Variants in SLC8A1 observed in about 807,000 individuals in gnomAD.
SLC8A1 encodes solute carrier family 8 member A1.
A neutral mutation model predicts 68.3 loss-of-function variants in SLC8A1; 18 were observed. The ratio of observed to expected loss-of-function variants is 0.26; its 90% CI spans 0.18 to 0.39. The LOEUF (loss-of-function observed/expected upper bound fraction) is 0.39. Ranked by LOEUF, SLC8A1 falls within the 10% of genes least tolerant of loss-of-function variation. The pLI, the probability that SLC8A1 is intolerant of heterozygous loss-of-function variation, is 1.00. For missense variants in SLC8A1, 985 were observed against 1,156.7 expected, an observed-to-expected ratio of 0.85 and a Z score of 2.15; for synonymous variants, 475 against 415.5, an observed-to-expected ratio of 1.14 and a Z score of -1.74.
intron 2 of SLC8A1, among the ~76,000 whole-genome samples, chr2:40,349,196 G>A (rs181221332): frequency 2.2e-4 from 33 of 152,210 alleles, no homozygotes; most frequent in African/African-American, 7.9e-4. Flanking sequence ...TGTGGTATAA[G>A]CCTGTTTTTC....
chr2:40,277,015 G>T (rs2066787128), intron 2 of SLC8A1, among the ~76,000 whole-genome samples: 1 of 152,138 alleles, frequency 6.6e-6, no homozygotes, highest in Non-Finnish European at 1.5e-5. Flanking sequence ...ATATTCATCT[G>T]AAAAATATGC....
chr2:40,498,327 AT>A (rs1239960510), intron 1 of SLC8A1, among the ~76,000 whole-genome samples: 1 of 152,110 alleles, frequency 6.6e-6, no homozygotes, highest in Non-Finnish European at 1.5e-5. Context: ...TTGTTCAGAC[AT>A]TTTGCAAAAG....
At position 40,283,275 on chromosome 2, in the gene SLC8A1, G is replaced by A. The variant is rs1348645587; in HGVS notation, c.1809-105420C>T. On this transcript the variant is annotated intron_variant, in intron 2 of 7. Transcript: ENST00000406785. ...ATTTCATGACTTCTCTTCCAGCTAT[G>A]CTGGTGTCATAGTAAGAGCCTGATG... Among the ~76,000 whole-genome samples the A allele has an allele frequency of 3.9e-5, 6 of 152,216 alleles. No individual in the cohort carries two copies. In the East Asian group the frequency reaches 1.2e-3, roughly 29 times the overall value.
chr2:40,391,939 G>C (rs1685396089), intron 2 of SLC8A1, among the ~76,000 whole-genome samples: 1 of 151,920 alleles, frequency 6.6e-6, no homozygotes, highest in African/African-American at 2.4e-5. Context: ...GTTTAGTTCT[G>C]CATAAATACA....
intron 7 of SLC8A1, among the ~76,000 whole-genome samples, chr2:40,133,339 A>C (rs1335017770): frequency 6.7e-6 from 1 of 149,978 alleles, no homozygotes; most frequent in African/African-American, 2.5e-5. Flanking sequence ...AATGACATAA[A>C]TTTTCCCCAA....
intron 2 of SLC8A1, among the ~76,000 whole-genome samples, chr2:40,184,960 C>T (rs981811470): frequency 2.0e-5 from 3 of 147,872 alleles, no homozygotes; most frequent in African/African-American, 7.5e-5. Flanking sequence ...ATCTGAATGG[C>T]ATTTCTCCAC....
At chr2:40,364,507 T>TA (rs1159771148) in intron 2 of SLC8A1, among the ~76,000 whole-genome samples, 1 of 64,922 alleles carries the variant, frequency 1.5e-5, no homozygotes, top group African/African-American at 1.8e-4. Context: ...TAAAATTGAA[T>TA]CCTTTTTTTT....
intron 2 of SLC8A1, among the ~76,000 whole-genome samples, chr2:40,253,174 CAAATATACATAT>C (rs2063242603): frequency 7.8e-6 from 1 of 127,700 alleles, no homozygotes; most frequent in Admixed American, 8.2e-5. Context: ...TATATACACA[CAAATATACATAT>C]ATACACGTAT....
At chr2:40,097,538 T>C (rs2033643995) in exon 8 of SLC8A1, 1 of 152,034 alleles carries the variant, frequency 6.6e-6, no homozygotes, top group Non-Finnish European at 1.5e-5. Flanking sequence ...TGATAAGACA[T>C]TTCAAATTAC....
rs1035170681 is a variant in SLC8A1, at chr2:40,475,948, C to G, written c.-25+36401G>C. Among the ~76,000 whole-genome samples, 5 of 152,218 alleles carry G rather than the reference C, an allele frequency of 3.3e-5. No individual in the cohort carries two copies. The East Asian group carries it at 7.7e-4, about 24-fold the overall frequency. On this transcript the variant is annotated intron_variant, in intron 1 of 7. Transcript: ENST00000402441. ...AGGATTTTGGGAGAATTTGTCTCCT[C>G]TGAGTAGTTTTCTGTTCAAAAGATA...
chr2:40,143,180 G>A (rs1413183363), intron 6 of SLC8A1, among the ~76,000 whole-genome samples: 2 of 152,120 alleles, frequency 1.3e-5, no homozygotes, highest in African/African-American at 2.4e-5. Flanking sequence ...TATTAAAAAT[G>A]ACCACGGACT....
chr2:40,416,479 T>A (rs1693920420), intron 2 of SLC8A1, among the ~76,000 whole-genome samples: 1 of 152,212 alleles, frequency 6.6e-6, no homozygotes, highest in South Asian at 2.1e-4. Context: ...AAAATATCAT[T>A]TCCTCACACT....
At chr2:40,431,075 G>C (rs1472516229) in intron 1 of SLC8A1, among the ~76,000 whole-genome samples, 1 of 152,136 alleles carries the variant, frequency 6.6e-6, no homozygotes, top group African/African-American at 2.4e-5. Flanking sequence ...GCCAGCCCAG[G>C]TCTGCTGATA....
chr2:40,377,486 CA>C (rs1158271790), intron 2 of SLC8A1, among the ~76,000 whole-genome samples: 1 of 152,058 alleles, frequency 6.6e-6, no homozygotes, highest in African/African-American at 2.4e-5. Context: ...CATGCACCAA[CA>C]AAAAGCTAAT....
chr2:40,373,561 T>A (rs1041163340), intron 2 of SLC8A1, among the ~76,000 whole-genome samples: 8 of 152,078 alleles, frequency 5.3e-5, no homozygotes, highest in Non-Finnish European at 1.0e-4. Flanking sequence ...ATTTTTCAAG[T>A]TTTTTTACTT....
At chr2:40,439,929 G>C (rs898686100) in intron 1 of SLC8A1, among the ~76,000 whole-genome samples, 2 of 152,132 alleles carry the variant, frequency 1.3e-5, no homozygotes, top group African/African-American at 2.4e-5. Flanking sequence ...CAGTGACAAA[G>C]TTCTAACACC....
intron 2 of SLC8A1, among the ~76,000 whole-genome samples, chr2:40,253,339 T>A (rs1200389856): frequency 6.6e-6 from 1 of 151,518 alleles, no homozygotes; most frequent in Admixed American, 6.6e-5. Context: ...TGTGTATATA[T>A]ATACACACAC....
At chr2:40,214,411 G>A (rs1558785024) in intron 2 of SLC8A1, among the ~76,000 whole-genome samples, 1 of 151,186 alleles carries the variant, frequency 6.6e-6, no homozygotes, top group Non-Finnish European at 1.5e-5. Context: ...AAGTTGTTTA[G>A]CAGATCATTT....
At chr2:40,380,112 T>C (rs1404841681) in intron 2 of SLC8A1, among the ~76,000 whole-genome samples, 3 of 152,184 alleles carry the variant, frequency 2.0e-5, no homozygotes, top group African/African-American at 7.2e-5. Context: ...CTTTGTAGTT[T>C]ACAAAGCACT....
Sources: gnomAD v4.1 joint callset for allele counts (sites outside exome capture counted in the v4.1 genomes callset) on GRCh38, gnomAD v4.1.1 for gene constraint, MANE v1.5 for transcripts, NCBI Gene and HGNC (gene_info 2026-07-23, HGNC 2026-07-21) for gene names.